Variants in SIL1 observed in about 807,000 individuals in gnomAD.
The protein encoded by SIL1 is nucleotide exchange factor SIL1.
SIL1 carries 40 observed loss-of-function variants against 49.1 expected under a neutral mutation model. The ratio of observed to expected loss-of-function variants is 0.81; its 90% CI spans 0.63 to 1.06. The LOEUF (loss-of-function observed/expected upper bound fraction) is 1.06, where lower values mean the gene tolerates loss of function less well. SIL1 is among the 50% of genes least tolerant of loss of function. The pLI is 0.00. For missense variants in SIL1, 500 were observed against 572.6 expected, an observed-to-expected ratio of 0.87 and a Z score of 1.29; for synonymous variants, 253 against 250.8, an observed-to-expected ratio of 1.01 and a Z score of -0.08.
intron 1 of SIL1, among the ~76,000 whole-genome samples, chr5:139,137,827 C>T (rs1751005542): frequency 6.6e-6 from 1 of 151,920 alleles, no homozygotes. Context: ...AATGAGCCTA[C>T]TGGGGCCCTC....
chr5:139,194,640 G>A (rs1042464144), intron 1 of SIL1, among the ~76,000 whole-genome samples: 1 of 152,178 alleles, frequency 6.6e-6, no homozygotes, highest in Non-Finnish European at 1.5e-5. Context: ...AGTTAGAGAT[G>A]GCTGTGCTAC....
chr5:139,091,423 G>T (rs1295649755), intron 3 of SIL1, among the ~76,000 whole-genome samples: 1 of 152,080 alleles, frequency 6.6e-6, no homozygotes, highest in Non-Finnish European at 1.5e-5. Flanking sequence ...GCAGGTCACA[G>T]AAAAAGAAAT....
chr5:139,184,724 C>A (rs1010271902), intron 1 of SIL1, among the ~76,000 whole-genome samples: 1 of 152,098 alleles, frequency 6.6e-6, no homozygotes, highest in African/African-American at 2.4e-5. Flanking sequence ...AAGAATCAGA[C>A]TGAAAACAGT....
intron 7 of SIL1, among the ~76,000 whole-genome samples, chr5:138,999,443 A>G (rs1055469553): frequency 1.3e-5 from 2 of 152,098 alleles, no homozygotes; most frequent in South Asian, 4.1e-4. Context: ...GCCTCAAGCA[A>G]TCCTCAAGGA....
intron 7 of SIL1, among the ~76,000 whole-genome samples, chr5:139,011,854 T>A (rs551001255): frequency 3.3e-5 from 5 of 152,010 alleles, no homozygotes; most frequent in African/African-American, 7.2e-5. Flanking sequence ...AACTACGTTT[T>A]AAAAAAAACC....
intron 1 of SIL1, among the ~76,000 whole-genome samples, chr5:139,132,521 GAGAA>G (rs1345973039): frequency 6.6e-6 from 1 of 152,186 alleles, no homozygotes; most frequent in Non-Finnish European, 1.5e-5. Flanking sequence ...GAATGAGAGA[GAGAA>G]AGAGAGGACA....
At chr5:139,068,655 GAAAAAAAAAA>G (rs745799045) in intron 3 of SIL1, among the ~76,000 whole-genome samples, 2 of 64,812 alleles carry the variant, frequency 3.1e-5, no homozygotes, top group Admixed American at 3.6e-4. Context: ...GAATGAAAAG[GAAAAAAAAAA>G]AAAAAAAAAG....
intron 3 of SIL1, among the ~76,000 whole-genome samples, chr5:139,053,029 C>T (rs949625801): frequency 1.3e-5 from 2 of 152,172 alleles, no homozygotes; most frequent in African/African-American, 2.4e-5. Context: ...TAACAAAGAA[C>T]TGGCAACTTC....
chr5:139,005,209 G>A (rs1227088328), intron 7 of SIL1, among the ~76,000 whole-genome samples: 2 of 151,544 alleles, frequency 1.3e-5, no homozygotes, highest in Non-Finnish European at 2.9e-5. Context: ...GAAATATCAT[G>A]TTTTACAAAA....
intron 1 of SIL1, among the ~76,000 whole-genome samples, chr5:139,196,201 T>G (rs1752270065): frequency 6.6e-6 from 1 of 151,980 alleles, no homozygotes; most frequent in African/African-American, 2.4e-5. Flanking sequence ...AAAATAATAA[T>G]AATAATAATA....
At chr5:138,962,304 A>ATTTTTTTTTTTT (rs76466712) in intron 7 of SIL1, among the ~76,000 whole-genome samples, 1 of 143,062 alleles carries the variant, frequency 7.0e-6, no homozygotes, top group African/African-American at 2.6e-5. Context: ...GACTTTTTCC[A>ATTTTTTTTTTTT]TTTTTTTTTT....
intron 7 of SIL1, among the ~76,000 whole-genome samples, chr5:139,008,542 A>C (rs1416519141): frequency 1.9e-4 from 27 of 143,170 alleles, no homozygotes; most frequent in Non-Finnish European, 3.0e-5. Flanking sequence ...TAGTTCTTTT[A>C]ATTGTGGTGT....
chr5:139,056,352 G>C (rs1288558815), intron 3 of SIL1, among the ~76,000 whole-genome samples: 3 of 150,836 alleles, frequency 2.0e-5, no homozygotes, highest in Non-Finnish European at 4.4e-5. Flanking sequence ...GAGCATCTCT[G>C]CCCGGCCAAC....
At chr5:139,182,229 C>T (rs1356560843) in intron 1 of SIL1, among the ~76,000 whole-genome samples, 1 of 152,176 alleles carries the variant, frequency 6.6e-6, no homozygotes, top group Non-Finnish European at 1.5e-5. Flanking sequence ...CAAAAAGGCA[C>T]TGTTCCCTAG....
chr5:139,170,151 A>G (rs1751719952), intron 1 of SIL1, among the ~76,000 whole-genome samples: 1 of 152,184 alleles, frequency 6.6e-6, no homozygotes, highest in South Asian at 2.1e-4. Context: ...TTGCAGACGG[A>G]GTCTGGTTCA....
At chr5:139,000,185 A>C (rs1357226403) in intron 7 of SIL1, among the ~76,000 whole-genome samples, 1 of 152,122 alleles carries the variant, frequency 6.6e-6, no homozygotes, top group African/African-American at 2.4e-5. Flanking sequence ...GGGATGTTAA[A>C]TTTCATTGAC....
rs573928353 is a variant in SIL1, at chr5:139,111,997, G to A, written c.244+9038C>T. Among the ~76,000 whole-genome samples, 7 of 152,340 alleles carry A rather than the reference G, an allele frequency of 4.6e-5. No homozygotes were observed. The South Asian group carries it at 6.2e-4, about 14-fold the overall frequency. On this transcript the variant is annotated intron_variant, in intron 3 of 9. Transcript: ENST00000394817. ...GCGCCTGCGATTGCAGGTGCGCGCCGCCACGCCTGACTGGTTTTCGTATTT... is the reference window on the plus strand; with the variant it reads ...GCGCCTGCGATTGCAGGTGCGCGCCACCACGCCTGACTGGTTTTCGTATTT...
intron 7 of SIL1, among the ~76,000 whole-genome samples, chr5:138,956,636 G>A (rs753968578): frequency 8.6e-5 from 13 of 151,740 alleles, no homozygotes; most frequent in Non-Finnish European, 1.9e-4. Context: ...TCAGCTACTC[G>A]GGAGGCTAAG....
At chr5:139,014,184 A>C (rs1325718841) in intron 7 of SIL1, 1 of 152,078 alleles carries the variant, frequency 6.6e-6, no homozygotes, top group Non-Finnish European at 1.5e-5. Flanking sequence ...CCTGACCAAC[A>C]TGGAGAAACC....
Sources: gnomAD v4.1 joint callset for allele counts (sites outside exome capture counted in the v4.1 genomes callset) on GRCh38, gnomAD v4.1.1 for gene constraint, MANE v1.5 for transcripts, NCBI Gene and HGNC (gene_info 2026-07-23, HGNC 2026-07-21) for gene names.